Variants in MBOAT1 observed in about 807,000 individuals in gnomAD.
The protein encoded by MBOAT1 is membrane bound glycerophospholipid O-acyltransferase 1, also known as membrane-bound glycerophospholipid O-acyltransferase 1.
A neutral mutation model predicts 64.4 loss-of-function variants in MBOAT1; 67 were observed. That is an observed-to-expected ratio of 1.04 (90% confidence interval 0.85 to 1.27). The LOEUF is 1.27. Ranked by LOEUF, MBOAT1 falls within the 50% of genes most tolerant of loss-of-function variation. The pLI, the probability that MBOAT1 is intolerant of heterozygous loss-of-function variation, is 0.00. For synonymous variants in MBOAT1, 229 were observed against 218.9 expected, an observed-to-expected ratio of 1.05 and a Z score of -0.41; for missense variants, 563 against 604.6, an observed-to-expected ratio of 0.93 and a Z score of 0.72.
At chr6:20,167,268 A>G (rs1485616652) in intron 1 of MBOAT1, among the ~76,000 whole-genome samples, 2 of 152,236 alleles carry the variant, frequency 1.3e-5, no homozygotes, top group South Asian at 4.1e-4. Flanking sequence ...ATATATGTCT[A>G]TAAGATAAAT....
At chr6:20,152,284 G>A (rs1301551581) in intron 2 of MBOAT1, among the ~76,000 whole-genome samples, 5 of 150,446 alleles carry the variant, frequency 3.3e-5, no homozygotes, top group African/African-American at 7.4e-5. Context: ...CCAAGATCGC[G>A]CCACTGCACT....
At chr6:20,127,930 C>G (rs1429570368) in intron 6 of MBOAT1, among the ~76,000 whole-genome samples, 1 of 152,066 alleles carries the variant, frequency 6.6e-6, no homozygotes, top group Non-Finnish European at 1.5e-5. Flanking sequence ...CTCCATTGTG[C>G]TTAGGAAAGG....
At chr6:20,119,340 C>T (rs1049119226) in intron 8 of MBOAT1, among the ~76,000 whole-genome samples, 2 of 152,216 alleles carry the variant, frequency 1.3e-5, no homozygotes, top group African/African-American at 4.8e-5. Context: ...ATGAACTCAA[C>T]TCACTTTTTT....
chr6:20,195,696 T>C (rs1156304960), intron 1 of MBOAT1, among the ~76,000 whole-genome samples: 1 of 152,206 alleles, frequency 6.6e-6, no homozygotes, highest in African/African-American at 2.4e-5. Context: ...TAACCATCTG[T>C]ATCTATATTA....
intron 4 of MBOAT1, among the ~76,000 whole-genome samples, chr6:20,133,644 C>G (rs1760896707): frequency 6.6e-6 from 1 of 152,168 alleles, no homozygotes; most frequent in Non-Finnish European, 1.5e-5. Context: ...ATTTGCAAAC[C>G]AAGTAAGTTC....
intron 1 of MBOAT1, among the ~76,000 whole-genome samples, chr6:20,167,002 A>G (rs1237891256): frequency 6.6e-6 from 1 of 152,164 alleles, no homozygotes; most frequent in African/African-American, 2.4e-5. Flanking sequence ...AGAAAAGAAA[A>G]GAAACCCATT....
intron 1 of MBOAT1, among the ~76,000 whole-genome samples, chr6:20,179,131 T>G (rs1762436482): frequency 6.6e-6 from 1 of 151,314 alleles, no homozygotes; most frequent in Non-Finnish European, 1.5e-5. Flanking sequence ...GCTGTTATTC[T>G]GCATGCTTCA....
chr6:20,187,991 A>C (rs1336929726), intron 1 of MBOAT1, among the ~76,000 whole-genome samples: 4 of 152,214 alleles, frequency 2.6e-5, no homozygotes, highest in Admixed American at 2.6e-4. Context: ...TCTCAAAAAA[A>C]AAGAGAGAGA....
chr6:20,175,687 G>A (rs150257417), intron 1 of MBOAT1, among the ~76,000 whole-genome samples: 3,545 of 151,232 alleles, frequency 0.023, 57 homozygotes, highest in Middle Eastern at 0.061. Flanking sequence ...GTCCAGACTG[G>A]TCTCAAACTC....
chr6:20,110,485 G>A (rs763443050), intron 11 of MBOAT1, among the ~76,000 whole-genome samples: 1 of 151,676 alleles, frequency 6.6e-6, no homozygotes. Flanking sequence ...CAAAGTGCTG[G>A]GATTACAGGA....
chr6:20,209,522 TAAACTAC>T (rs1305532082), intron 1 of MBOAT1, among the ~76,000 whole-genome samples: 7 of 152,302 alleles, frequency 4.6e-5, no homozygotes, highest in African/African-American at 1.7e-4. Context: ...TTGCTGATAA[TAAACTAC>T]TTGACACAGG....
Position 20,212,365 on chromosome 6 carries a change from G to T in MBOAT1, c.-131C>A, listed in dbSNP as rs898241332. 2 of 752,614 alleles carry T rather than the reference G, an allele frequency of 2.7e-6. No individual in the cohort carries two copies. Among genetic ancestry groups the T allele is most frequent in the East Asian group, 2.8e-5 (1 of 36,066 alleles). 46.6% of individuals were successfully genotyped at this position (752,614 alleles called of 1,614,324 possible). On this transcript the variant is annotated 5_prime_UTR_variant, in exon 1 of 13. Coordinates refer to ENST00000324607, the MANE Select transcript of MBOAT1 (RefSeq NM_001080480.3). ...CCGCCTGGTTCGCGGGGGAGCGAACGGGAGGCCGGGGAATGCGAACCGGCG... is the reference window on the plus strand; with the variant it reads ...CCGCCTGGTTCGCGGGGGAGCGAACTGGAGGCCGGGGAATGCGAACCGGCG...
At chr6:20,201,842 C>G (rs968075563) in intron 1 of MBOAT1, among the ~76,000 whole-genome samples, 2 of 151,916 alleles carry the variant, frequency 1.3e-5, no homozygotes, top group African/African-American at 4.8e-5. Flanking sequence ...GTGGCCTCTC[C>G]AAGTGCTAGG....
chr6:20,165,215 C>T (rs1031393189), intron 1 of MBOAT1, among the ~76,000 whole-genome samples: 3 of 152,076 alleles, frequency 2.0e-5, no homozygotes, highest in Admixed American at 6.6e-5. Context: ...GTAAGGAAAC[C>T]GGTACATAGA....
chr6:20,203,824 T>C (rs558256736), intron 1 of MBOAT1, among the ~76,000 whole-genome samples: 1 of 151,054 alleles, frequency 6.6e-6, no homozygotes, highest in East Asian at 1.9e-4. Flanking sequence ...AAATAGGAGA[T>C]TCACAGCAAC....
chr6:20,182,337 A>G (rs546843870), intron 1 of MBOAT1, among the ~76,000 whole-genome samples: 1 of 152,294 alleles, frequency 6.6e-6, no homozygotes, highest in East Asian at 1.9e-4. Context: ...AGTCTCTTAT[A>G]AAAACACAAA....
intron 10 of MBOAT1, among the ~76,000 whole-genome samples, chr6:20,114,862 C>T (rs1313078032): frequency 2.7e-5 from 4 of 147,262 alleles, no homozygotes; most frequent in African/African-American, 5.1e-5. Flanking sequence ...CTAATTTGAG[C>T]GACATAGCGA....
chr6:20,111,837 C>CATATATATATATATATAT (rs1476326103), intron 11 of MBOAT1, among the ~76,000 whole-genome samples: 2 of 92,630 alleles, frequency 2.2e-5, no homozygotes, highest in African/African-American at 7.2e-5. Context: ...TATATATACA[C>CATATATATATATATATAT]ATATATATAC....
intron 1 of MBOAT1, among the ~76,000 whole-genome samples, chr6:20,196,670 G>A (rs1581463415): frequency 1.3e-5 from 2 of 152,110 alleles, no homozygotes; most frequent in South Asian, 4.1e-4. Context: ...AGACCAGCCT[G>A]GCCAACATGG....
Sources: allele counts gnomAD v4.1 joint callset (sites outside exome capture counted in the v4.1 genomes callset), GRCh38; gene constraint gnomAD v4.1.1; transcripts MANE v1.5; gene names NCBI Gene and HGNC (gene_info 2026-07-23, HGNC 2026-07-21).